The following RTN4 variants were observed in gnomAD, a reference collection of about 807,000 sequenced individuals.
The protein encoded by RTN4 is reticulon-4.
RTN4 carries 32 observed loss-of-function variants against 90.4 expected under a neutral mutation model. The observed-to-expected ratio is 0.35, with a 90% CI of 0.27 to 0.48. RTN4 has a LOEUF of 0.48. Among genes scored for constraint, RTN4 ranks in the 20% least tolerant of loss-of-function variants. The probability of loss-of-function intolerance (pLI) is 0.99; values close to 1 mark genes in which losing one functional copy is unlikely to be tolerated. For missense variants in RTN4, 1,706 were observed against 1,430.2 expected (o/e 1.19, Z -3.11); for synonymous variants, 629 against 552.5 (o/e 1.14, Z -1.94).
chr2:54,994,898 T>C (rs1417528984), intron 3 of RTN4, among the ~76,000 whole-genome samples: 3 of 152,326 alleles, frequency 2.0e-5, no homozygotes, highest in South Asian at 4.1e-4. Flanking sequence ...CTAATTTATA[T>C]AAACAAGACT....
At chr2:55,101,618 G>T (rs978993542) in intron 1 of RTN4, among the ~76,000 whole-genome samples, 1 of 152,066 alleles carries the variant, frequency 6.6e-6, no homozygotes, top group African/African-American at 2.4e-5. Context: ...ATGCATTTCT[G>T]CTACATAGTC....
chr2:55,083,550 A>G (rs1668774963), intron 1 of RTN4, among the ~76,000 whole-genome samples: 1 of 152,244 alleles, frequency 6.6e-6, no homozygotes, highest in Non-Finnish European at 1.5e-5. Context: ...GATTTAAACT[A>G]TGATTAAAAC....
At chr2:55,102,807 C>A (rs552956916) in intron 1 of RTN4, among the ~76,000 whole-genome samples, 18 of 152,240 alleles carry the variant, frequency 1.2e-4, no homozygotes, top group Admixed American at 1.2e-3. Flanking sequence ...CAATTCAAAT[C>A]TCTTTATTAA....
rs192425438 is a variant in RTN4, at chr2:55,045,295, C to T, written c.556+4450G>A. ...GTCTTTACATTCATGGTTTCCAAGT[C>T]CTATCAATTCGTCTTTCATACAGCC... On this transcript the variant is annotated intron_variant, in intron 1 of 8. Transcript: ENST00000337526. Among the ~76,000 whole-genome samples the T allele has an allele frequency of 1.6e-3, 240 of 152,280 alleles. 1 individual carries two copies. Among genetic ancestry groups the T allele is most frequent in the African/African-American group, 5.4e-3 (224 of 41,554 alleles).
At chr2:55,048,305 G>A (rs1423916140) in intron 1 of RTN4, among the ~76,000 whole-genome samples, 2 of 152,192 alleles carry the variant, frequency 1.3e-5, no homozygotes, top group Non-Finnish European at 2.9e-5. Flanking sequence ...ACAACTTACA[G>A]ACACTCTACG....
At chr2:55,098,547 AAAGAG>A (rs1558879289) in intron 1 of RTN4, among the ~76,000 whole-genome samples, 1 of 152,058 alleles carries the variant, frequency 6.6e-6, no homozygotes, top group Non-Finnish European at 1.5e-5. Flanking sequence ...CTTATCAGTA[AAAGAG>A]AAGAGTTTTT....
chr2:54,986,527 G>C (rs1362716900), intron 4 of RTN4, among the ~76,000 whole-genome samples: 2 of 152,218 alleles, frequency 1.3e-5, no homozygotes, highest in South Asian at 4.1e-4. Context: ...CCCCTGGTTA[G>C]ACTGAGGAAG....
In RTN4 at chr2:55,050,052, A is replaced by C. The variant is rs1418648570; in HGVS notation, c.249T>G (p.Asn83Lys). The C allele has an allele frequency of 5.6e-6, 8 of 1,417,652 alleles. No homozygotes were observed. The highest frequency in any genetic ancestry group is 5.5e-6 in the Non-Finnish European group (6 of 1,092,240). The allele number at this position is 1,417,652 out of a possible 1,614,324, so 87.8% of individuals were successfully genotyped here. ...CCCGGGGCGCCGGCGGCACGAAGTC[A>C]TTTCCGAAGTCCATCAGGGGCGCGC... ...AAGAPLMDFG[N>K]DFVPPAPRGP... The change falls in exon 1 of 9, where the codon AAT (asparagine) becomes AAG (lysine). Residue 83 changes from asparagine to lysine, a missense_variant. Transcript: ENST00000337526. This position sits in a 1 kb window ranked among gnomAD's most constrained non-coding sequence, Gnocchi z 4.6.
rs746025207 is a variant in RTN4 at position 54,993,260 on chromosome 2, T to C, written c.3014-5562A>G. ...TGGCAAGCATGAATCATGACTATAA[T>C]CAGAAAAAAATTCACCCCATTCTGT... On this transcript the variant is annotated intron_variant, in intron 3 of 8. Coordinates refer to ENST00000337526, the MANE Select transcript of RTN4 (RefSeq NM_020532.5). Among the ~76,000 whole-genome samples, 367 of 152,044 alleles carry C rather than the reference T, an allele frequency of 2.4e-3. 8 individuals are homozygous for C. Among genetic ancestry groups the C allele is most frequent in the Non-Finnish European group, 7.1e-4 (48 of 67,988 alleles).
At chr2:55,028,576 T>A (rs1682079306) in intron 1 of RTN4, among the ~76,000 whole-genome samples, 1 of 152,204 alleles carries the variant, frequency 6.6e-6, no homozygotes, top group Non-Finnish European at 1.5e-5. Flanking sequence ...AATTGTCTTG[T>A]TCTATTCAGG....
rs1350375381 is a variant in RTN4, at chr2:55,050,112, C to T, written c.189G>A (p.Leu63=). 2 of 1,499,752 alleles carry T rather than the reference C, an allele frequency of 1.3e-6. No homozygotes were observed. The highest frequency in any genetic ancestry group is 8.9e-7 in the Non-Finnish European group (1 of 1,129,344). The allele number at this position is 1,499,752 out of a possible 1,614,324, so 92.9% of individuals were successfully genotyped here. A position where few individuals can be genotyped will look rare whatever the true frequency, so the allele number is the denominator to read the frequency against. ...GGGCGGTGGGCACTGGGGCCGCGGACAGCCCGGCGGCGGGCTTCCTCTCCA... is the reference window on the plus strand; with the variant it reads ...GGGCGGTGGGCACTGGGGCCGCGGATAGCCCGGCGGCGGGCTTCCTCTCCA... The part of the protein sequence containing the change: ...EVLERKPAAG[L]SAAPVPTAPA... The change falls in exon 1 of 9, where the codon CTG becomes CTA. Residue 63 remains leucine, a synonymous_variant. Transcript: ENST00000337526. This position sits in a 1 kb window ranked among gnomAD's most constrained non-coding sequence, Gnocchi z 4.6.
intron 3 of RTN4, among the ~76,000 whole-genome samples, chr2:55,004,369 T>A (rs1051268337): frequency 2.0e-5 from 3 of 152,208 alleles, no homozygotes; most frequent in Non-Finnish European, 1.5e-5. Context: ...AAAGGCTTCA[T>A]GCCACCATGG....
chr2:55,024,976 A>G, intron 3 of RTN4, 110 bp downstream of exon 3: 2 of 1,299,168 alleles, frequency 1.5e-6, no homozygotes, highest in Middle Eastern at 2.8e-4. Context: ...CTTCTTACCA[A>G]TGTGACATAT....
At chr2:55,039,774 C>T (rs1177806219) in intron 1 of RTN4, among the ~76,000 whole-genome samples, 3 of 152,142 alleles carry the variant, frequency 2.0e-5, no homozygotes, top group African/African-American at 7.2e-5. Flanking sequence ...AGTGAAACTC[C>T]ATCTCTAAAT....
upstream of RTN4, among the ~76,000 whole-genome samples, chr2:55,053,270 C>A (rs923989674): frequency 6.6e-6 from 1 of 152,168 alleles, no homozygotes; most frequent in Non-Finnish European, 1.5e-5. Flanking sequence ...ATTGTTGTAA[C>A]TAGATGTAAA....
At chr2:55,124,306 C>G in the RTN4 span, among the ~76,000 whole-genome samples, 1,691 of 152,300 alleles carry the variant, frequency 0.011, 35 homozygotes, top group African/African-American at 0.038. Flanking sequence ...TTTGATGGCT[C>G]CTGGTTTGTT....
At chr2:55,098,791 G>A (rs2920877) in intron 1 of RTN4, among the ~76,000 whole-genome samples, 11,276 of 152,046 alleles carry the variant, frequency 0.074, 584 homozygotes, top group Middle Eastern at 0.12. Context: ...ATTTATTGAC[G>A]AAATCAGGTC....
intron 3 of RTN4, among the ~76,000 whole-genome samples, chr2:55,021,487 T>G (rs2104839011): frequency 6.6e-6 from 1 of 152,138 alleles, no homozygotes; most frequent in Middle Eastern, 3.4e-3. Context: ...TTTTGTCTTT[T>G]TTTTCTCCCT....
At chr2:55,123,874 T>C in the RTN4 span, among the ~76,000 whole-genome samples, 94,052 of 151,896 alleles carry the variant, frequency 0.62, 29,240 homozygotes, top group African/African-American at 0.67. Flanking sequence ...GCAAATTGTG[T>C]AGCCAGCCCT....
Sources: allele counts gnomAD v4.1 joint callset (sites outside exome capture counted in the v4.1 genomes callset), GRCh38; gene constraint gnomAD v4.1.1; non-coding constraint Gnocchi (gnomAD v3.1); transcripts MANE v1.5; gene names NCBI Gene and HGNC (gene_info 2026-07-23, HGNC 2026-07-21).